RASA3: variants seen among roughly 807,000 people sequenced by gnomAD.
RASA3 encodes ras GTPase-activating protein 3.
In RASA3, 73 loss-of-function variants were observed where a neutral mutation model predicts 110.0. The ratio of observed to expected loss-of-function variants is 0.66; its 90% CI spans 0.55 to 0.81. The LOEUF (loss-of-function observed/expected upper bound fraction) is 0.81. Among genes scored for constraint, RASA3 ranks in the 30% least tolerant of loss-of-function variants. The pLI, the probability that RASA3 is intolerant of heterozygous loss-of-function variation, is 0.00. For synonymous variants in RASA3, 500 were observed against 451.4 expected, an observed-to-expected ratio of 1.11 and a Z score of -1.37; for missense variants, 976 against 1,113.2, an observed-to-expected ratio of 0.88 and a Z score of 1.75.
In RASA3 at chr13:114,073,916, C is replaced by T. The variant is rs1015144329; in HGVS notation, c.56-79G>A. On this transcript the variant is annotated intron_variant, in intron 1 of 23. Transcript: ENST00000334062. Reference sequence around the variant, plus strand: ...GCTACATCGCAGACACGTTTCCAGCCTTTGCTTGTGTGCATTCACTAGCTC... The same window carrying T: ...GCTACATCGCAGACACGTTTCCAGCTTTTGCTTGTGTGCATTCACTAGCTC... The T allele has an allele frequency of 1.1e-5, 14 of 1,292,782 alleles. No homozygotes were observed. The African/African-American group carries it at 1.2e-4, about 11-fold the overall frequency. The allele number at this position is 1,292,782 out of a possible 1,614,324, so 80.1% of individuals were successfully genotyped here. A position where few individuals can be genotyped will look rare whatever the true frequency, so the allele number is the denominator to read the frequency against.
intron 1 of RASA3, among the ~76,000 whole-genome samples, chr13:114,098,627 G>A (rs147569266): frequency 8.1e-4 from 123 of 152,120 alleles, no homozygotes; most frequent in Middle Eastern, 3.4e-3. Flanking sequence ...CCCCATGGCC[G>A]GGATGAGGGG....
intron 15 of RASA3, among the ~76,000 whole-genome samples, chr13:114,012,723 CCA>C (rs1422423920): frequency 4.8e-5 from 7 of 144,920 alleles, no homozygotes; most frequent in Non-Finnish European, 9.1e-5. Flanking sequence ...ACTCCCCATT[CCA>C]CACACACTCC....
chr13:114,013,487 CTGTCTCTCTCTCTCTCCCTCTATT>C (rs1356060208), intron 14 of RASA3, among the ~76,000 whole-genome samples: 4 of 141,074 alleles, frequency 2.8e-5, no homozygotes, highest in African/African-American at 1.1e-4. Context: ...CTCCGTATCT[CTGTCTCTCTCTCTCTCCCTCTATT>C]TGTCTCTCTC....
chr13:114,087,343 G>A (rs2079833451), intron 1 of RASA3, among the ~76,000 whole-genome samples: 1 of 152,232 alleles, frequency 6.6e-6, no homozygotes, highest in Admixed American at 6.5e-5. Flanking sequence ...ACGGGGAAGT[G>A]GTGAGTCTGG....
chr13:114,119,641 GGC>G (rs2080341054), intron 1 of RASA3, among the ~76,000 whole-genome samples: 2 of 63,654 alleles, frequency 3.1e-5, no homozygotes, highest in African/African-American at 6.2e-5. Flanking sequence ...TCTCCAGCCA[GGC>G]GTCGATCAAG....
In RASA3 at chr13:114,027,931, A is replaced by C. The variant is rs768617285; in HGVS notation, c.450-4T>G. ...GAGGCCCTGGCACTCGACGATGCTG[A>C]GGAGAGAAGCAGAGGCGGCGTCAGG... On this transcript the variant is annotated splice_region_variant and splice_polypyrimidine_tract_variant and intron_variant, in intron 5 of 23. Coordinates refer to ENST00000334062, the MANE Select transcript of RASA3 (RefSeq NM_007368.4). The C allele has an allele frequency of 1.2e-6, 2 of 1,610,750 alleles. No individual in the cohort carries two copies. The highest frequency in any genetic ancestry group is 1.7e-6 in the Non-Finnish European group (2 of 1,177,380).
chr13:114,114,711 CAT>C lies in RASA3; in HGVS notation c.55+17722_55+17723del, dbSNP rs1475277668. Among the ~76,000 whole-genome samples, 7 of 152,190 alleles carry C rather than the reference CAT, an allele frequency of 4.6e-5. No homozygotes were observed. The highest frequency in any genetic ancestry group is 1.7e-4 in the African/African-American group (7 of 41,448). Reference sequence around the variant, plus strand: ...TTTGTTTATGGGTAACCCTTGATAACATGTGGGCAGGGTTTCAGTGTAAACCC... The same window carrying C: ...TTTGTTTATGGGTAACCCTTGATAACGTGGGCAGGGTTTCAGTGTAAACCC... On this transcript the variant is annotated intron_variant, in intron 1 of 23. Coordinates refer to ENST00000334062, the MANE Select transcript of RASA3 (RefSeq NM_007368.4). This position sits in a 1 kb window ranked among gnomAD's most constrained non-coding sequence, Gnocchi z 4.8.
At chr13:114,034,128 T>A (rs2054235432) in intron 4 of RASA3, among the ~76,000 whole-genome samples, 1 of 151,480 alleles carries the variant, frequency 6.6e-6, no homozygotes, top group African/African-American at 2.4e-5. Flanking sequence ...GCTAAAGGAG[T>A]GCCCTGAACA....
chr13:114,127,998 G>C (rs751933546), intron 1 of RASA3, among the ~76,000 whole-genome samples: 1 of 152,196 alleles, frequency 6.6e-6, no homozygotes, highest in East Asian at 1.9e-4. Context: ...GGCAAGGCCC[G>C]GGCCCCAGGC....
Position 113,978,298 on chromosome 13 carries a change from G to A in RASA3, c.*1049C>T, listed in dbSNP as rs2052824773. 1 of 152,324 alleles carries A rather than the reference G, an allele frequency of 6.6e-6. No homozygotes were observed. Among genetic ancestry groups the A allele is most frequent in the South Asian group, 2.1e-4 (1 of 4,830 alleles). 9.4% of individuals were successfully genotyped at this position (152,324 alleles called of 1,614,324 possible). ...GGGACGTCTGCACCCCGAAGCCCCTGTACCTCAAACTCAGAGTTTCTTCCC... is the reference window on the plus strand; with the variant it reads ...GGGACGTCTGCACCCCGAAGCCCCTATACCTCAAACTCAGAGTTTCTTCCC... On this transcript the variant is annotated 3_prime_UTR_variant, in exon 24 of 24. Transcript: ENST00000334062.
Position 114,118,688 on chromosome 13 carries a change from A to G in RASA3, c.55+13747T>C, listed in dbSNP as rs372192463. Among the ~76,000 whole-genome samples the G allele has an allele frequency of 5.9e-5, 9 of 152,400 alleles. No homozygotes were observed. In the East Asian group the frequency reaches 9.6e-4, roughly 16 times the overall value. ...TAAAATCTGGACTAGCGTCTAAGCA[A>G]GTGGCAGCTTTTGAGCTCCGCACAC... On this transcript the variant is annotated intron_variant, in intron 1 of 23. Coordinates refer to ENST00000334062, the MANE Select transcript of RASA3 (RefSeq NM_007368.4).
In RASA3 at chr13:114,018,138, TGATG is replaced by T; in HGVS notation, c.1053_1056del (p.Phe351LeufsTer9). On this transcript the variant is annotated frameshift_variant, in exon 11 of 24. Coordinates refer to ENST00000334062, the MANE Select transcript of RASA3 (RefSeq NM_007368.4). LOFTEE classifies it high-confidence loss of function. ...TTCACCTCCGCGCTGGCGATGGCAC[TGATG>T]AATGGCACCACCCTGCCATAGTGTA... 3.9e-6 allele frequency: 6 copies of T among 1,550,066 alleles called. No individual in the cohort carries two copies. The highest frequency in any genetic ancestry group is 4.4e-6 in the Non-Finnish European group (5 of 1,146,732).
chr13:114,049,012 C>T (rs1163419092), intron 3 of RASA3, among the ~76,000 whole-genome samples: 7 of 152,026 alleles, frequency 4.6e-5, no homozygotes, highest in African/African-American at 7.2e-5. Context: ...GATGCCCTCC[C>T]GTCCCCAACC....
intron 1 of RASA3, among the ~76,000 whole-genome samples, chr13:114,106,554 G>A (rs1385271519): frequency 2.0e-5 from 3 of 152,030 alleles, no homozygotes; most frequent in African/African-American, 4.8e-5. Context: ...AATGTAATTC[G>A]GAGCTTTGTA....
intron 20 of RASA3, 31 bp downstream of exon 20, chr13:113,999,554 C>T (rs769650924): frequency 1.1e-5 from 18 of 1,596,090 alleles, no homozygotes; most frequent in South Asian, 2.2e-5. Flanking sequence ...GGCCTCAACC[C>T]GAAAGAGAGG....
intron 9 of RASA3, among the ~76,000 whole-genome samples, chr13:114,020,865 C>G (rs932551193): frequency 6.6e-6 from 1 of 152,180 alleles, no homozygotes; most frequent in Admixed American, 6.6e-5. Flanking sequence ...AGACCCGGAG[C>G]GCAGCCGCGG....
At chr13:114,098,882 G>T (rs1407616523) in intron 1 of RASA3, among the ~76,000 whole-genome samples, 1 of 152,166 alleles carries the variant, frequency 6.6e-6, no homozygotes, top group Non-Finnish European at 1.5e-5. Flanking sequence ...AAGAAAAAGA[G>T]GCTGCACAGA....
intron 19 of RASA3, 125 bp downstream of exon 19, chr13:114,000,701 G>A (rs1035133789): frequency 1.8e-5 from 13 of 725,794 alleles, no homozygotes; most frequent in East Asian, 2.5e-5. Context: ...GGGTCACCGC[G>A]GCCCCGGGCT....
At chr13:114,119,520 C>CCA (rs2080337323) in intron 1 of RASA3, among the ~76,000 whole-genome samples, 1 of 119,706 alleles carries the variant, frequency 8.4e-6, no homozygotes, top group Non-Finnish European at 1.9e-5. Context: ...GATCAGTGCC[C>CCA]CCCTCCCCTC....
Sources: gnomAD v4.1 joint callset for allele counts (sites outside exome capture counted in the v4.1 genomes callset) on GRCh38, gnomAD v4.1.1 for gene constraint, Gnocchi (gnomAD v3.1) non-coding constraint, MANE v1.5 for transcripts, NCBI Gene and HGNC (gene_info 2026-07-23, HGNC 2026-07-21) for gene names.